Variants in DPH6 observed in about 807,000 individuals in gnomAD.
DPH6 encodes the protein diphthine--ammonia ligase.
DPH6 carries 33 observed loss-of-function variants against 38.2 expected under a neutral mutation model. The ratio of observed to expected loss-of-function variants is 0.86; its 90% confidence interval spans 0.65 to 1.15. The LOEUF (loss-of-function observed/expected upper bound fraction) is 1.15. DPH6 is among the 50% of genes most tolerant of loss of function. The probability of loss-of-function intolerance (pLI) is 0.00; values close to 1 mark genes in which losing one functional copy is unlikely to be tolerated. For missense variants in DPH6, 325 were observed against 320.0 expected, an observed-to-expected ratio of 1.02 and a Z score of -0.12; for synonymous variants, 108 against 103.0, an observed-to-expected ratio of 1.05 and a Z score of -0.30.
At position 35,474,660 on chromosome 15, in the gene DPH6, G is replaced by A. The variant is rs577330398; in HGVS notation, c.313-19840C>T. On this transcript the variant is annotated intron_variant, in intron 3 of 8. Coordinates refer to ENST00000256538, the MANE Select transcript of DPH6 (RefSeq NM_080650.4). The stretch of plus-strand genomic sequence containing the variant: ...CTTTCAAAGTATATTTAAACACTAC[G>A]TAAATGTAAAAAATTAAAATGAAGA... Among the ~76,000 whole-genome samples, 66 of 152,104 alleles carry A rather than the reference G, an allele frequency of 4.3e-4. No homozygotes were observed. In the South Asian group the frequency reaches 0.014, roughly 32 times the overall value.
intron 3 of DPH6, among the ~76,000 whole-genome samples, chr15:35,261,824 C>A (rs888866561): frequency 3.5e-5 from 4 of 113,572 alleles, no homozygotes; most frequent in Non-Finnish European, 8.1e-5. Flanking sequence ...CAGAGCAAGA[C>A]CCTCTCTTAA....
chr15:35,155,274 G>A, the DPH6 span, among the ~76,000 whole-genome samples: 3 of 151,316 alleles, frequency 2.0e-5, no homozygotes, highest in Non-Finnish European at 4.4e-5. Flanking sequence ...AACTATAAAA[G>A]TTTGAATCCA....
chr15:35,238,193 A>AG, intron 3 of DPH6: 1 of 211,882 alleles, frequency 4.7e-6, no homozygotes. Flanking sequence ...TGGGAACGAG[A>AG]GGGGAAAGGT....
At chr15:35,448,977 T>C (rs994202444) in intron 5 of DPH6, among the ~76,000 whole-genome samples, 6 of 105,144 alleles carry the variant, frequency 5.7e-5, no homozygotes, top group African/African-American at 9.5e-5. Flanking sequence ...AAAGGTCTTA[T>C]TGTCTCATTT....
chr15:35,254,588 A>G (rs777339717), intron 3 of DPH6, among the ~76,000 whole-genome samples: 1 of 152,184 alleles, frequency 6.6e-6, no homozygotes, highest in Non-Finnish European at 1.5e-5. Flanking sequence ...TTGCAACTCA[A>G]TTTGCAGCTG....
chr15:35,237,246 GC>G (rs2051559404), intron 3 of DPH6: 4 of 1,269,162 alleles, frequency 3.2e-6, no homozygotes, highest in Non-Finnish European at 4.6e-6. Flanking sequence ...AGCTGGTTGA[GC>G]CTTGAAAGTG....
intron 6 of DPH6, among the ~76,000 whole-genome samples, chr15:35,402,938 AATG>A (rs1189767349): frequency 6.6e-6 from 1 of 152,100 alleles, no homozygotes; most frequent in Non-Finnish European, 1.5e-5. Flanking sequence ...ATAAGTAAAT[AATG>A]ATACCTTCAT....
Position 35,451,758 on chromosome 15 carries a change from G to T in DPH6, c.387-955C>A, listed in dbSNP as rs8033424. 9.9e-5 allele frequency among the ~76,000 whole-genome samples: 15 copies of T among 152,138 alleles called. No homozygotes were observed. The South Asian group carries it at 3.1e-3, about 32-fold the overall frequency. ...AGGCGCGGTGACTCACGACTGTAAT[G>T]CCAGCACTTTGGGAGGCCAAGGCGG... On this transcript the variant is annotated intron_variant, in intron 4 of 8. Transcript: ENST00000256538.
At chr15:35,472,382 T>C (rs182789474) in intron 3 of DPH6, among the ~76,000 whole-genome samples, 13 of 152,240 alleles carry the variant, frequency 8.5e-5, no homozygotes, top group African/African-American at 2.9e-4. Flanking sequence ...ACCTGTCCAA[T>C]AGGAGCTGGA....
At chr15:35,318,548 T>C (rs1392269470) in intron 3 of DPH6, among the ~76,000 whole-genome samples, 3 of 152,184 alleles carry the variant, frequency 2.0e-5, no homozygotes, top group East Asian at 3.8e-4. Context: ...CCAAAATTGA[T>C]TGTGTGCTAG....
chr15:35,391,398 G>A (rs2053055252), intron 6 of DPH6, among the ~76,000 whole-genome samples: 1 of 152,166 alleles, frequency 6.6e-6, no homozygotes, highest in African/African-American at 2.4e-5. Context: ...AGTCTGCAGA[G>A]GTTATTGCTG....
chr15:35,216,331 T>C (rs2051410816), downstream of DPH6, among the ~76,000 whole-genome samples: 1 of 152,236 alleles, frequency 6.6e-6, no homozygotes, highest in African/African-American at 2.4e-5. Context: ...AAAGCAGATG[T>C]TTTGATAGTA....
intron 3 of DPH6, among the ~76,000 whole-genome samples, chr15:35,517,741 A>G (rs2054866482): frequency 6.6e-6 from 1 of 152,118 alleles, no homozygotes; most frequent in African/African-American, 2.4e-5. Context: ...TACAAGAAAA[A>G]CAACAATTTA....
intron 6 of DPH6, among the ~76,000 whole-genome samples, chr15:35,399,650 A>G (rs1383478939): frequency 1.3e-5 from 2 of 152,212 alleles, no homozygotes; most frequent in Non-Finnish European, 2.9e-5. Context: ...AGACATATGG[A>G]GAAAGTCATC....
chr15:35,349,491 C>T (rs1372713473), intron 3 of DPH6, among the ~76,000 whole-genome samples: 2 of 152,120 alleles, frequency 1.3e-5, no homozygotes, highest in East Asian at 3.9e-4. Flanking sequence ...GGCTGGAGTG[C>T]AGTGGAGTGA....
At chr15:35,365,726 C>T (rs1392319712) in intron 3 of DPH6, 25 of 929,582 alleles carry the variant, frequency 2.7e-5, no homozygotes, top group South Asian at 4.9e-5. Context: ...CACGGTATGG[C>T]GTTGCTACTA....
intron 5 of DPH6, among the ~76,000 whole-genome samples, chr15:35,449,146 A>C (rs1346894062): frequency 6.6e-6 from 1 of 152,008 alleles, no homozygotes; most frequent in Non-Finnish European, 1.5e-5. Context: ...CCATTTAATA[A>C]ACCTTTCTTT....
At chr15:35,322,429 C>T (rs2052248719) in intron 3 of DPH6, among the ~76,000 whole-genome samples, 2 of 152,206 alleles carry the variant, frequency 1.3e-5, no homozygotes, top group African/African-American at 4.8e-5. Context: ...CCAAGGATGG[C>T]TTGGAGGTTA....
intron 3 of DPH6, among the ~76,000 whole-genome samples, chr15:35,470,008 GC>G (rs1341378938): frequency 2.0e-5 from 3 of 152,092 alleles, no homozygotes; most frequent in Non-Finnish European, 4.4e-5. Context: ...GACCAGCCTG[GC>G]CAACATGGCG....
Sources: gnomAD v4.1 joint callset for allele counts (sites outside exome capture counted in the v4.1 genomes callset) on GRCh38, gnomAD v4.1.1 for gene constraint, MANE v1.5 for transcripts, NCBI Gene and HGNC (gene_info 2026-07-23, HGNC 2026-07-21) for gene names.